Variants in COL5A3 observed in about 807,000 individuals in gnomAD.
COL5A3 encodes the protein collagen alpha-3(V) chain.
Under a neutral mutation model 250.0 loss-of-function variants are expected in COL5A3, and 172 were observed. The observed-to-expected ratio is 0.69, with a 90% CI of 0.61 to 0.78. The LOEUF is 0.78. Ranked by LOEUF, COL5A3 falls within the 30% of genes least tolerant of loss-of-function variation. The pLI, the probability that COL5A3 is intolerant of heterozygous loss-of-function variation, is 0.00. For missense variants in COL5A3, 2,340 were observed against 2,334.4 expected (o/e 1.00, Z -0.05); for synonymous variants, 937 against 900.4 (o/e 1.04, Z -0.73).
chr19:9,967,515 ACACT>A (rs1457863419), intron 61 of COL5A3, 115 bp from the exon 62 acceptor site: 29 of 722,064 alleles, frequency 4.0e-5, no homozygotes, highest in East Asian at 2.8e-4. Flanking sequence ...ACAGTCTCAC[ACACT>A]CACATACACA....
At chr19:9,979,564 TG>T in intron 37 of COL5A3, 147 bp from the exon 38 acceptor site, 1 of 830,436 alleles carries the variant, frequency 1.2e-6, no homozygotes, top group Non-Finnish European at 2.0e-6. Context: ...CAGAGGCAGG[TG>T]GGTCACTTGA....
At chr19:9,986,466 C>T (rs2087101712) in intron 29 of COL5A3, 44 bp from the exon 30 acceptor site, 1 of 1,609,730 alleles carries the variant, frequency 6.2e-7, no homozygotes, top group African/African-American at 1.3e-5. Context: ...TTTTGTCCTT[C>T]CTGCTCTGTC....
chr19:9,962,712 G>C (rs2086689879), intron 65 of COL5A3, 107 bp downstream of exon 65: 1 of 821,072 alleles, frequency 1.2e-6, no homozygotes, highest in African/African-American at 1.7e-5. Context: ...GGAAGGTAGA[G>C]GAAAGCCTAT....
intron 21 of COL5A3, among the ~76,000 whole-genome samples, chr19:9,992,463 T>C (rs554888172): frequency 4.6e-4 from 68 of 147,092 alleles, no homozygotes; most frequent in Admixed American, 2.8e-3. Context: ...GCAACAGATA[T>C]GGACATGCAG....
intron 51 of COL5A3, among the ~76,000 whole-genome samples, 192 bp downstream of exon 51, chr19:9,972,727 T>G (rs980706439): frequency 2.0e-5 from 3 of 152,106 alleles, no homozygotes; most frequent in African/African-American, 7.2e-5. Flanking sequence ...TCCTGGCTAC[T>G]TGGGAGGCTG....
chr19:9,970,779 C>T (rs1250179433), intron 53 of COL5A3, 104 bp from the exon 54 acceptor site: 2 of 1,095,112 alleles, frequency 1.8e-6, no homozygotes, highest in African/African-American at 3.3e-5. Flanking sequence ...AAGCCTCACC[C>T]CAGCACCGGG....
At chr19:9,995,881 C>A (rs1032038736) in intron 15 of COL5A3, 185 bp downstream of exon 15, 1 of 647,046 alleles carries the variant, frequency 1.5e-6, no homozygotes, top group East Asian at 2.7e-5. Flanking sequence ...TGGCCTCAAG[C>A]AATCCTCCCA....
At chr19:9,992,072 C>G in intron 21 of COL5A3, 24 bp from the exon 22 acceptor site, 1 of 1,611,552 alleles carries the variant, frequency 6.2e-7, no homozygotes, top group Non-Finnish European at 8.5e-7. Flanking sequence ...GGATGTGAGA[C>G]CAAGACAGAG....
intron 8 of COL5A3, among the ~76,000 whole-genome samples, chr19:9,998,763 C>T (rs1428683701): frequency 1.3e-5 from 2 of 151,768 alleles, no homozygotes; most frequent in Non-Finnish European, 2.9e-5. Context: ...CAGCTCACTG[C>T]ACCTTCTACC....
Position 9,993,079 on chromosome 19 carries a change from C to CA in COL5A3, c.1750-13_1750-12insT, listed in dbSNP as rs1568425358. 3.0e-5 allele frequency: 49 copies of CA among 1,613,540 alleles called. No homozygotes were observed. The highest frequency in any genetic ancestry group is 4.1e-5 in the Non-Finnish European group (48 of 1,179,798). On this transcript the variant is annotated splice_polypyrimidine_tract_variant and intron_variant, in intron 19 of 66. Transcript: ENST00000264828. ...GGTCCCTCTGCTCCCTGTGGAAAAG[C>CA]GTCATTACTTGGGAACAGGAAGGTA...
intron 36 of COL5A3, 21 bp downstream of exon 36, chr19:9,979,973 A>G (rs11879687): frequency 0.39 from 619,992 of 1,576,576 alleles, 124,114 homozygotes; most frequent in Middle Eastern, 0.49. Flanking sequence ...CCCAACCCCC[A>G]ATGAGGGTGA....
At chr19:10,004,178 C>T (rs753123950) in intron 4 of COL5A3, 33 bp from the exon 5 acceptor site, 1 of 1,474,646 alleles carries the variant, frequency 6.8e-7, no homozygotes, top group African/African-American at 1.4e-5. Flanking sequence ...TCAAGGAGGG[C>T]AGCCATACAG....
intron 8 of COL5A3, among the ~76,000 whole-genome samples, chr19:9,999,462 C>CTT (rs2087324665): frequency 1.6e-5 from 2 of 122,024 alleles, no homozygotes; most frequent in African/African-American, 3.8e-5. Flanking sequence ...TTCTTTTTTT[C>CTT]TTTTTTCTTT....
intron 22 of COL5A3, 21 bp downstream of exon 22, chr19:9,991,983 C>T (rs1356365491): frequency 1.2e-6 from 2 of 1,608,810 alleles, no homozygotes; most frequent in Non-Finnish European, 1.7e-6. Context: ...GGTCAGAGGT[C>T]AAAGGGCACA....
Position 10,009,017 on chromosome 19 carries a change from G to A in COL5A3, c.88+1281C>T, listed in dbSNP as rs539918803. Among the ~76,000 whole-genome samples, 2 of 152,088 alleles carry A rather than the reference G, an allele frequency of 1.3e-5. No individual in the cohort carries two copies. The highest frequency in any genetic ancestry group is 2.9e-5 in the Non-Finnish European group (2 of 68,006). Reference sequence around the variant, plus strand: ...GGACACGGTGTTTCACATTCCTGGAGTCCCAGGGGACTTATATTCAGAGTG... The same window carrying A: ...GGACACGGTGTTTCACATTCCTGGAATCCCAGGGGACTTATATTCAGAGTG... On this transcript the variant is annotated intron_variant, in intron 1 of 66. Coordinates refer to ENST00000264828, the MANE Select transcript of COL5A3 (RefSeq NM_015719.4). The surrounding 1 kb of genome is among the most constrained non-coding windows in gnomAD (Gnocchi z 4.4).
intron 24 of COL5A3, among the ~76,000 whole-genome samples, chr19:9,991,151 A>G (rs2087183095): frequency 6.6e-6 from 1 of 152,210 alleles, no homozygotes; most frequent in Admixed American, 6.5e-5. Flanking sequence ...ATGAGGTGGG[A>G]GAACCACCTC....
intron 27 of COL5A3, among the ~76,000 whole-genome samples, chr19:9,988,873 GAAAAGGA>G (rs989445753): frequency 3.4e-5 from 4 of 118,360 alleles, no homozygotes; most frequent in South Asian, 2.7e-4. Flanking sequence ...GTAAAGAAAA[GAAAAGGA>G]AAAAGGAAAA....
chr19:9,997,380 A>G lies in COL5A3; in HGVS notation c.1254T>C (p.Pro418=), dbSNP rs1279935961. 6.2e-7 allele frequency: 1 copy of G among 1,609,286 alleles called. No homozygotes were observed. The highest frequency in any genetic ancestry group is 8.5e-7 in the Non-Finnish European group (1 of 1,178,014). ...AGTGGGAGTCTCTTACCGGTGGACCAGGGTCGCCAGGGAATCCTGGGGGGC... is the reference window on the plus strand; with the variant it reads ...AGTGGGAGTCTCTTACCGGTGGACCGGGGTCGCCAGGGAATCCTGGGGGGC... ...PPGPPGFPGD[P]GPPGPAGLPG... The change falls in exon 11 of 67, where the codon CCT becomes CCC. Residue 418 remains proline, a synonymous_variant. Coordinates refer to ENST00000264828, the MANE Select transcript of COL5A3 (RefSeq NM_015719.4).
At chr19:9,970,453 G>GTCTGTGGGGTGAGTGGGA (rs2086826142) in intron 54 of COL5A3, among the ~76,000 whole-genome samples, 169 bp downstream of exon 54, 1 of 102,996 alleles carries the variant, frequency 9.7e-6, no homozygotes, top group Non-Finnish European at 2.0e-5. Flanking sequence ...GGTGAGTGGG[G>GTCTGTGGGGTGAGTGGGA]TCTGTGGGTG....
Sources: allele counts gnomAD v4.1 joint callset (sites outside exome capture counted in the v4.1 genomes callset), GRCh38; gene constraint gnomAD v4.1.1; non-coding constraint Gnocchi (gnomAD v3.1); transcripts MANE v1.5; gene names NCBI Gene and HGNC (gene_info 2026-07-23, HGNC 2026-07-21).